Variants in LARGE1 observed in about 807,000 individuals in gnomAD.
LARGE1 encodes the protein LARGE xylosyl- and glucuronyltransferase 1.
In LARGE1, 43 loss-of-function variants were observed where a neutral mutation model predicts 87.6. That is an observed-to-expected ratio of 0.49 (90% CI 0.38 to 0.63). The LOEUF is 0.63. Among genes scored for constraint, LARGE1 ranks in the 30% least tolerant of loss-of-function variants. The pLI, the probability that LARGE1 is intolerant of heterozygous loss-of-function variation, is 0.00. For synonymous variants in LARGE1, 434 were observed against 394.6 expected (o/e 1.10, Z -1.18); for missense variants, 802 against 1,000.2 (o/e 0.80, Z 2.67).
the LARGE1 span, among the ~76,000 whole-genome samples, chr22:33,089,321 TTTCTTCTTC>T: frequency 9.3e-3 from 807 of 87,052 alleles, 6 homozygotes; most frequent in East Asian, 0.031. Context: ...TTCTTTCTTC[TTTCTTCTTC>T]TTCTTCTTCT....
In LARGE1 at chr22:33,555,594, G is replaced by A; in HGVS notation, c.787+9254C>T. 1.3e-5 allele frequency among the ~76,000 whole-genome samples: 2 copies of A among 152,078 alleles called. 1 individual carries two copies. On this transcript the variant is annotated intron_variant, in intron 6 of 14. Transcript: ENST00000397394. ...GCATTCCAGGTACAGGAACATCAGA[G>A]CAGAGGGCCAAAGGTAGGAGCCTGT...
At chr22:33,660,608 T>C (rs1328935987) in intron 2 of LARGE1, among the ~76,000 whole-genome samples, 1 of 152,174 alleles carries the variant, frequency 6.6e-6, no homozygotes, top group East Asian at 1.9e-4. Flanking sequence ...TGAGAAAGCA[T>C]CCTTTCTCCT....
At chr22:33,630,359 T>A (rs1169945093) in intron 3 of LARGE1, among the ~76,000 whole-genome samples, 1 of 152,170 alleles carries the variant, frequency 6.6e-6, no homozygotes, top group Non-Finnish European at 1.5e-5. Context: ...CACAGATATC[T>A]TCTGAGTAGC....
chr22:33,524,670 G>T (rs1470677887), intron 6 of LARGE1, among the ~76,000 whole-genome samples: 2 of 151,156 alleles, frequency 1.3e-5, no homozygotes, highest in Admixed American at 6.6e-5. Context: ...TGAGAAAGTG[G>T]AACAAGTCTC....
intron 9 of LARGE1, among the ~76,000 whole-genome samples, chr22:33,340,121 G>A (rs8139984): frequency 6.0e-5 from 9 of 150,170 alleles, no homozygotes; most frequent in East Asian, 1.9e-4. Flanking sequence ...TATTTAATAC[G>A]CACAACAGGC....
At chr22:33,283,160 G>A in intron 13 of LARGE1, 42 bp downstream of exon 13, 2 of 1,612,750 alleles carry the variant, frequency 1.2e-6, no homozygotes, top group Admixed American at 1.7e-5. Context: ...GAGAAAGAAG[G>A]CCTTCGAGCA....
At chr22:33,479,482 G>A (rs866641166) in intron 6 of LARGE1, among the ~76,000 whole-genome samples, 1 of 152,334 alleles carries the variant, frequency 6.6e-6, no homozygotes, top group South Asian at 2.1e-4. Context: ...CAGGGACTTT[G>A]TCAGTTATTT....
intron 1 of LARGE1, among the ~76,000 whole-genome samples, chr22:33,829,011 T>C (rs927741400): frequency 3.8e-4 from 39 of 101,886 alleles, no homozygotes; most frequent in African/African-American, 1.5e-3. Flanking sequence ...TTTTTCTTTT[T>C]TTTTTTTTTT....
At chr22:33,632,528 TC>T (rs58866092) in intron 3 of LARGE1, among the ~76,000 whole-genome samples, 5,630 of 136,836 alleles carry the variant, frequency 0.041, 131 homozygotes, top group Non-Finnish European at 0.06. Context: ...AGGTCAGATT[TC>T]CCCGGCTCCT....
intron 9 of LARGE1, among the ~76,000 whole-genome samples, chr22:33,347,002 T>C (rs748409325): frequency 7.2e-5 from 11 of 152,236 alleles, no homozygotes; most frequent in Non-Finnish European, 1.6e-4. Flanking sequence ...ACTAGAACCA[T>C]GACAGCCATC....
At chr22:33,578,559 G>T (rs2078420113) in intron 5 of LARGE1, among the ~76,000 whole-genome samples, 1 of 152,186 alleles carries the variant, frequency 6.6e-6, no homozygotes, top group Non-Finnish European at 1.5e-5. Flanking sequence ...GTAACAGACA[G>T]TATACTAAAG....
intron 6 of LARGE1, among the ~76,000 whole-genome samples, chr22:33,527,261 A>C (rs2071953724): frequency 6.6e-6 from 1 of 152,186 alleles, no homozygotes; most frequent in African/African-American, 2.4e-5. Context: ...CGTCTCAAAA[A>C]AGAAGCGAAT....
chr22:33,688,295 T>C (rs1003303496), intron 2 of LARGE1, among the ~76,000 whole-genome samples: 16 of 152,180 alleles, frequency 1.1e-4, no homozygotes, highest in African/African-American at 3.6e-4. Context: ...GGTTAAGTGT[T>C]CATCATTACT....
At chr22:33,159,678 G>A (rs739071), downstream of LARGE1, among the ~76,000 whole-genome samples, 146,407 of 151,040 alleles carry the variant, frequency 0.97, 70,992 homozygotes, top group East Asian at 1. Context: ...TCCGCCTCCC[G>A]GGTTCACGCC....
intron 1 of LARGE1, among the ~76,000 whole-genome samples, chr22:33,801,246 T>G (rs569871626): frequency 6.6e-6 from 1 of 152,322 alleles, no homozygotes; most frequent in East Asian, 1.9e-4. Flanking sequence ...AGGTATGTCT[T>G]TATCAGCCGC....
chr22:33,662,183 G>T (rs1250710580), intron 2 of LARGE1, among the ~76,000 whole-genome samples: 2 of 152,012 alleles, frequency 1.3e-5, no homozygotes, highest in African/African-American at 4.8e-5. Context: ...GATAAGCCTG[G>T]TCCAGAGAGT....
Position 33,267,303 on chromosome 22 carries a change from G to T in LARGE1, c.1730+36926C>A, listed in dbSNP as rs140585590. Among the ~76,000 whole-genome samples the T allele has an allele frequency of 5.9e-3, 893 of 151,708 alleles. 5 individuals carry two copies. The highest frequency in any genetic ancestry group is 9.2e-3 in the Non-Finnish European group (626 of 68,008). On this transcript the variant is annotated intron_variant, in intron 11 of 11. Coordinates refer to the LARGE1 transcript ENST00000608642. ...CATGGGAGTCCTGTAAGCTACGGAAGCAACAAATTTAGCACTCAGCGCCCA... is the reference window on the plus strand; with the variant it reads ...CATGGGAGTCCTGTAAGCTACGGAATCAACAAATTTAGCACTCAGCGCCCA...
At chr22:33,347,339 T>G (rs1239427118) in intron 9 of LARGE1, among the ~76,000 whole-genome samples, 2 of 152,248 alleles carry the variant, frequency 1.3e-5, no homozygotes, top group Non-Finnish European at 2.9e-5. Context: ...ATTATTCTTT[T>G]GGAGTGCCAC....
chr22:33,899,380 G>A (rs995539776), intron 1 of LARGE1, among the ~76,000 whole-genome samples: 20 of 152,162 alleles, frequency 1.3e-4, no homozygotes, highest in African/African-American at 4.3e-4. Flanking sequence ...GTAGAATAGA[G>A]GATTCCTTCT....
Sources: gnomAD v4.1 joint callset for allele counts (sites outside exome capture counted in the v4.1 genomes callset) on GRCh38, gnomAD v4.1.1 for gene constraint, MANE v1.5 for transcripts, NCBI Gene and HGNC (gene_info 2026-07-23, HGNC 2026-07-21) for gene names.